The following PAPSS1 variants were observed in gnomAD, a reference collection of about 807,000 sequenced individuals.
The protein encoded by PAPSS1 is bifunctional 3'-phosphoadenosine 5'-phosphosulfate synthase 1.
A neutral mutation model predicts 72.0 loss-of-function variants in PAPSS1; 50 were observed. The observed-to-expected ratio is 0.69, with a 90% CI of 0.55 to 0.88. The LOEUF is 0.88. Among genes scored for constraint, PAPSS1 ranks in the 40% least tolerant of loss-of-function variants. The pLI, the probability that PAPSS1 is intolerant of heterozygous loss-of-function variation, is 0.00. For synonymous variants in PAPSS1, 261 were observed against 263.6 expected (o/e 0.99, Z 0.09); for missense variants, 657 against 782.2 (o/e 0.84, Z 1.91).
intron 6 of PAPSS1, among the ~76,000 whole-genome samples, chr4:107,659,164 G>A (rs1442012671): frequency 6.6e-6 from 1 of 152,156 alleles, no homozygotes; most frequent in Non-Finnish European, 1.5e-5. Context: ...TCCCTGGCAT[G>A]TCTTGGTTTC....
chr4:107,618,686 T>G (rs1461086103), intron 11 of PAPSS1, among the ~76,000 whole-genome samples: 1 of 152,090 alleles, frequency 6.6e-6, no homozygotes, highest in Non-Finnish European at 1.5e-5. Flanking sequence ...GATGTCAGGT[T>G]GCCTTCTGAG....
At chr4:107,672,609 C>G (rs890293670) in intron 5 of PAPSS1, among the ~76,000 whole-genome samples, 2 of 152,184 alleles carry the variant, frequency 1.3e-5, no homozygotes, top group Admixed American at 1.3e-4. Context: ...CTCAAGGAGG[C>G]CTGCCTGCCT....
chr4:107,642,629 T>C (rs1205632915), intron 10 of PAPSS1, among the ~76,000 whole-genome samples: 1 of 152,098 alleles, frequency 6.6e-6, no homozygotes, highest in Non-Finnish European at 1.5e-5. Flanking sequence ...ATATGGACTA[T>C]TATATTCTAT....
At chr4:107,640,144 TAG>T (rs1447964775) in intron 10 of PAPSS1, among the ~76,000 whole-genome samples, 1 of 152,210 alleles carries the variant, frequency 6.6e-6, no homozygotes, top group Non-Finnish European at 1.5e-5. Context: ...TTCACAAAAA[TAG>T]ATTCAGTATT....
chr4:107,622,321 C>G (rs980789253), intron 11 of PAPSS1, among the ~76,000 whole-genome samples: 3 of 152,308 alleles, frequency 2.0e-5, no homozygotes, highest in South Asian at 4.1e-4. Context: ...TCCCCTTCCC[C>G]CTCCCTTCTT....
At chr4:107,652,639 CAT>C (rs1726871684) in intron 9 of PAPSS1, among the ~76,000 whole-genome samples, 1 of 152,100 alleles carries the variant, frequency 6.6e-6, no homozygotes, top group South Asian at 2.1e-4. Context: ...GATCCAGAAA[CAT>C]TTTTTAAATG....
intron 8 of PAPSS1, 146 bp downstream of exon 8, chr4:107,654,549 C>T: frequency 4.2e-6 from 3 of 707,252 alleles, no homozygotes; most frequent in South Asian, 3.4e-5. Context: ...AGAGCATAAA[C>T]ACTCATCACA....
intron 1 of PAPSS1, among the ~76,000 whole-genome samples, chr4:107,701,858 G>C (rs1560590470): frequency 6.6e-6 from 1 of 151,944 alleles, no homozygotes; most frequent in Non-Finnish European, 1.5e-5. Flanking sequence ...GGTGACATTT[G>C]AGTAGACTCC....
intron 6 of PAPSS1, among the ~76,000 whole-genome samples, chr4:107,658,471 T>A (rs1727078782): frequency 6.6e-6 from 1 of 152,090 alleles, no homozygotes; most frequent in Non-Finnish European, 1.5e-5. Context: ...AACTTTGAGA[T>A]TTCTAGCATA....
intron 1 of PAPSS1, among the ~76,000 whole-genome samples, chr4:107,716,490 A>G (rs1194176640): frequency 6.6e-6 from 1 of 152,212 alleles, no homozygotes; most frequent in Non-Finnish European, 1.5e-5. Context: ...GTCCAGTTTC[A>G]AACGCTTCTT....
At chr4:107,693,144 G>T (rs1233851720) in intron 3 of PAPSS1, among the ~76,000 whole-genome samples, 1 of 152,086 alleles carries the variant, frequency 6.6e-6, no homozygotes. Flanking sequence ...TAAAATAAAA[G>T]TTGAAGAAAA....
intron 5 of PAPSS1, among the ~76,000 whole-genome samples, chr4:107,671,064 C>A (rs962551135): frequency 6.6e-6 from 1 of 152,064 alleles, no homozygotes; most frequent in Non-Finnish European, 1.5e-5. Flanking sequence ...CAGTTTTTAA[C>A]CATCAGGGAA....
intron 9 of PAPSS1, among the ~76,000 whole-genome samples, chr4:107,647,292 C>G (rs1239076904): frequency 6.6e-6 from 1 of 152,228 alleles, no homozygotes; most frequent in Non-Finnish European, 1.5e-5. Flanking sequence ...GGTGACAGCA[C>G]TACCACAGTG....
At chr4:107,704,919 C>G (rs992709257) in intron 1 of PAPSS1, among the ~76,000 whole-genome samples, 1 of 150,292 alleles carries the variant, frequency 6.7e-6, no homozygotes, top group Admixed American at 6.7e-5. Flanking sequence ...CCATTGCACT[C>G]GAGCCTGGGT....
chr4:107,715,653 T>C (rs149946050), intron 1 of PAPSS1, among the ~76,000 whole-genome samples: 71 of 152,340 alleles, frequency 4.7e-4, no homozygotes, highest in African/African-American at 1.7e-3. Flanking sequence ...TAATTAACTG[T>C]CTCCCAGGTA....
At chr4:107,622,417 T>C (rs1418523540) in intron 11 of PAPSS1, among the ~76,000 whole-genome samples, 1 of 152,246 alleles carries the variant, frequency 6.6e-6, no homozygotes, top group African/African-American at 2.4e-5. Context: ...ATCTCTTTAA[T>C]GGTGTCTTAT....
intron 2 of PAPSS1, among the ~76,000 whole-genome samples, chr4:107,698,535 CAG>C (rs1410963943): frequency 6.6e-5 from 10 of 152,232 alleles, no homozygotes; most frequent in Middle Eastern, 3.4e-3. Context: ...GAGGGGAGGA[CAG>C]GGGGCAAACC....
rs979718480 is a variant in PAPSS1 at position 107,635,010 on chromosome 4, G to A, written c.1507-3150C>T. On this transcript the variant is annotated intron_variant, in intron 10 of 11. Transcript: ENST00000265174. ...AGACGGGGTTTTACCGTGTTAGCCAGGATGGTCTCGATCTCCTGACCTTGT... is the reference window on the plus strand; with the variant it reads ...AGACGGGGTTTTACCGTGTTAGCCAAGATGGTCTCGATCTCCTGACCTTGT... Among the ~76,000 whole-genome samples the A allele has an allele frequency of 5.9e-5, 9 of 152,098 alleles. No homozygotes were observed. In the East Asian group the frequency reaches 9.7e-4, roughly 16 times the overall value.
At chr4:107,615,096 T>G (rs1356560186) in intron 11 of PAPSS1, among the ~76,000 whole-genome samples, 1 of 26,240 alleles carries the variant, frequency 3.8e-5, no homozygotes, top group Non-Finnish European at 1.0e-4. Context: ...ATTTTTTTTC[T>G]TCTGGAACAG....
Sources: gnomAD v4.1 joint callset for allele counts (sites outside exome capture counted in the v4.1 genomes callset) on GRCh38, gnomAD v4.1.1 for gene constraint, MANE v1.5 for transcripts, NCBI Gene and HGNC (gene_info 2026-07-23, HGNC 2026-07-21) for gene names.